Variants in PRKG1 observed in about 807,000 individuals in gnomAD.
The protein encoded by PRKG1 is protein kinase cGMP-dependent 1.
In PRKG1, 35 loss-of-function variants were observed where a neutral mutation model predicts 88.1. The ratio of observed to expected loss-of-function variants is 0.40; its 90% CI spans 0.30 to 0.53. The LOEUF (loss-of-function observed/expected upper bound fraction) is 0.53, where lower values mean the gene tolerates loss of function less well. Ranked by LOEUF, PRKG1 falls within the 20% of genes least tolerant of loss-of-function variation. The pLI, the probability that PRKG1 is intolerant of heterozygous loss-of-function variation, is 0.59. For synonymous variants in PRKG1, 303 were observed against 292.5 expected, an observed-to-expected ratio of 1.04 and a Z score of -0.37; for missense variants, 540 against 839.8, an observed-to-expected ratio of 0.64 and a Z score of 4.41.
At chr10:51,922,105 A>G (rs1842474927) in intron 5 of PRKG1, among the ~76,000 whole-genome samples, 1 of 151,862 alleles carries the variant, frequency 6.6e-6, no homozygotes, top group African/African-American at 2.4e-5. Flanking sequence ...AGGACTACTT[A>G]GATTATATCT....
At chr10:51,805,942 A>C (rs1168847398) in intron 4 of PRKG1, among the ~76,000 whole-genome samples, 1 of 152,154 alleles carries the variant, frequency 6.6e-6, no homozygotes, top group Non-Finnish European at 1.5e-5. Flanking sequence ...AGAAATGTAA[A>C]TTCCTATTTG....
chr10:51,134,874 T>C (rs1263069823), intron 1 of PRKG1, among the ~76,000 whole-genome samples: 1 of 152,114 alleles, frequency 6.6e-6, no homozygotes, highest in Non-Finnish European at 1.5e-5. Flanking sequence ...CGTAGAAAAG[T>C]AGAATATCAC....
chr10:51,253,456 T>G (rs1474003003), intron 2 of PRKG1, among the ~76,000 whole-genome samples: 1 of 151,896 alleles, frequency 6.6e-6, no homozygotes, highest in African/African-American at 2.4e-5. Context: ...TTCCCCCCAA[T>G]AGACATCCCC....
intron 9 of PRKG1, among the ~76,000 whole-genome samples, chr10:52,163,054 TTAA>T (rs1838320721): frequency 6.6e-6 from 1 of 152,018 alleles, no homozygotes; most frequent in African/African-American, 2.4e-5. Flanking sequence ...GTTTCTAGTA[TTAA>T]TAATAATCCC....
chr10:51,276,110 C>A (rs1037298790), intron 2 of PRKG1, among the ~76,000 whole-genome samples: 4 of 151,988 alleles, frequency 2.6e-5, no homozygotes, highest in Non-Finnish European at 5.9e-5. Context: ...GCTATCCCTC[C>A]CCTCTCCCCC....
intron 2 of PRKG1, among the ~76,000 whole-genome samples, chr10:51,396,234 A>T (rs117355035): frequency 0.023 from 3,478 of 152,182 alleles, 76 homozygotes; most frequent in Non-Finnish European, 0.033. Context: ...AAAAAAGAAA[A>T]GAAAAGAAAA....
intron 8 of PRKG1, among the ~76,000 whole-genome samples, chr10:52,144,881 A>G (rs1837689934): frequency 2.0e-5 from 3 of 152,164 alleles, no homozygotes; most frequent in African/African-American, 7.2e-5. Context: ...TTAATAATTA[A>G]ATGTGAGGGA....
chr10:51,949,117 T>C (rs1182024432), intron 5 of PRKG1, among the ~76,000 whole-genome samples: 3 of 152,156 alleles, frequency 2.0e-5, no homozygotes. Context: ...AGACTTAAAT[T>C]CCACCCTCAT....
At chr10:51,582,351 T>G (rs1589104917) in intron 3 of PRKG1, among the ~76,000 whole-genome samples, 2 of 152,278 alleles carry the variant, frequency 1.3e-5, no homozygotes, top group South Asian at 4.1e-4. Context: ...CCAGGGCACA[T>G]GTGCAAGATG....
intron 3 of PRKG1, among the ~76,000 whole-genome samples, chr10:51,576,777 A>C (rs12243995): frequency 3.5e-5 from 5 of 141,300 alleles, no homozygotes; most frequent in African/African-American, 1.5e-4. Context: ...GGATGGAATT[A>C]TTTTCTTTTT....
chr10:51,949,410 C>G (rs150911617), intron 5 of PRKG1, among the ~76,000 whole-genome samples: 1 of 151,434 alleles, frequency 6.6e-6, no homozygotes, highest in Non-Finnish European at 1.5e-5. Flanking sequence ...ACCAGGAGTT[C>G]GAGATCAGCC....
At chr10:51,384,637 C>T (rs2132635274) in intron 2 of PRKG1, among the ~76,000 whole-genome samples, 1 of 152,218 alleles carries the variant, frequency 6.6e-6, no homozygotes, top group Admixed American at 6.6e-5. Context: ...ATCGTGAATC[C>T]CTCCATTCTT....
At chr10:51,951,808 G>A (rs1455636001) in intron 5 of PRKG1, among the ~76,000 whole-genome samples, 2 of 152,178 alleles carry the variant, frequency 1.3e-5, no homozygotes. Context: ...AACTGGAGTA[G>A]TTATGGTCAA....
intron 3 of PRKG1, among the ~76,000 whole-genome samples, chr10:51,495,898 G>T (rs10823083): frequency 6.6e-6 from 1 of 151,972 alleles, no homozygotes; most frequent in African/African-American, 2.4e-5. Flanking sequence ...TGCAGAAGCC[G>T]TGTGGCCAAT....
intron 4 of PRKG1, among the ~76,000 whole-genome samples, chr10:51,852,213 G>GTA (rs10650535): frequency 0.043 from 6,196 of 143,222 alleles, 329 homozygotes; most frequent in African/African-American, 0.13. Flanking sequence ...TTTTATATGT[G>GTA]TATATATATA....
intron 12 of PRKG1, among the ~76,000 whole-genome samples, chr10:52,278,842 G>T (rs1488538888): frequency 6.6e-6 from 1 of 150,848 alleles, no homozygotes; most frequent in African/African-American, 2.4e-5. Context: ...GGCTGAGGTT[G>T]CAGTGAACCG....
chr10:51,748,150 C>G (rs1419657267), intron 3 of PRKG1, among the ~76,000 whole-genome samples: 1 of 152,180 alleles, frequency 6.6e-6, no homozygotes, highest in Non-Finnish European at 1.5e-5. Flanking sequence ...ATTTCAGTGC[C>G]CATCCAGTCT....
chr10:52,281,328 G>A (rs1049011367), intron 13 of PRKG1, among the ~76,000 whole-genome samples: 2 of 152,086 alleles, frequency 1.3e-5, no homozygotes, highest in African/African-American at 2.4e-5. Context: ...AAAAAAATGT[G>A]CTTTACAGGC....
intron 3 of PRKG1, among the ~76,000 whole-genome samples, chr10:51,490,305 G>A (rs1840671537): frequency 1.3e-5 from 2 of 152,190 alleles, no homozygotes; most frequent in South Asian, 4.1e-4. Flanking sequence ...TGTGGTTCTT[G>A]CATTTATAGG....
Sources: gnomAD v4.1 joint callset for allele counts (sites outside exome capture counted in the v4.1 genomes callset) on GRCh38, gnomAD v4.1.1 for gene constraint, MANE v1.5 for transcripts, NCBI Gene and HGNC (gene_info 2026-07-23, HGNC 2026-07-21) for gene names.